THSD4: variants seen among roughly 807,000 people sequenced by gnomAD.
THSD4 encodes the protein thrombospondin type 1 domain containing 4.
In THSD4, 69 loss-of-function variants were observed where a neutral mutation model predicts 119.0. The ratio of observed to expected loss-of-function variants is 0.58; its 90% CI spans 0.48 to 0.71. The LOEUF is 0.71. Ranked by LOEUF, THSD4 falls within the 30% of genes least tolerant of loss-of-function variation. The pLI is 0.00. For synonymous variants in THSD4, 524 were observed against 540.4 expected (o/e 0.97, Z 0.42); for missense variants, 1,393 against 1,391.1 (o/e 1.00, Z -0.02).
At chr15:71,674,717 C>CA (rs886403437) in intron 8 of THSD4, among the ~76,000 whole-genome samples, 2 of 152,266 alleles carry the variant, frequency 1.3e-5, no homozygotes, top group Admixed American at 6.5e-5. Flanking sequence ...GCTCCCCATA[C>CA]ATTTGGCAAT....
intron 7 of THSD4, among the ~76,000 whole-genome samples, chr15:71,537,187 A>C (rs2048698663): frequency 6.6e-6 from 1 of 152,150 alleles, no homozygotes; most frequent in African/African-American, 2.4e-5. Context: ...ATCCCAGTTT[A>C]AGCTCTTAGC....
intron 3 of THSD4, among the ~76,000 whole-genome samples, chr15:71,163,674 A>G (rs1236806157): frequency 6.6e-6 from 1 of 151,682 alleles, no homozygotes; most frequent in Admixed American, 6.6e-5. Flanking sequence ...TGAATGTGGC[A>G]TCTTTGTTTG....
chr15:71,271,163 T>G (rs1385839236), intron 6 of THSD4, among the ~76,000 whole-genome samples: 2 of 151,990 alleles, frequency 1.3e-5, no homozygotes, highest in African/African-American at 4.8e-5. Context: ...AAAAAAAAAT[T>G]TGCCCAAGAA....
At chr15:71,585,591 G>A (rs72739282) in intron 7 of THSD4, among the ~76,000 whole-genome samples, 8,263 of 152,152 alleles carry the variant, frequency 0.054, 263 homozygotes, top group South Asian at 0.11. Context: ...GGGGTTACTT[G>A]GGCATCATGG....
intron 7 of THSD4, among the ~76,000 whole-genome samples, chr15:71,600,266 C>G (rs1013046714): frequency 2.6e-5 from 4 of 152,334 alleles, no homozygotes; most frequent in Middle Eastern, 3.4e-3. Context: ...ATGGTCAAAT[C>G]TTACCATCTT....
intron 8 of THSD4, among the ~76,000 whole-genome samples, chr15:71,706,779 G>A (rs773555557): frequency 5.9e-5 from 9 of 152,178 alleles, no homozygotes; most frequent in South Asian, 2.1e-4. Flanking sequence ...ACAACATCTC[G>A]CATGACCTTT....
At chr15:71,421,646 T>C (rs2046809106) in intron 7 of THSD4, among the ~76,000 whole-genome samples, 1 of 152,208 alleles carries the variant, frequency 6.6e-6, no homozygotes, top group African/African-American at 2.4e-5. Flanking sequence ...TCTTGATTAG[T>C]GTCATTTGGG....
chr15:71,735,030 AC>A (rs1264207987), intron 10 of THSD4, among the ~76,000 whole-genome samples: 2 of 151,606 alleles, frequency 1.3e-5, no homozygotes, highest in African/African-American at 4.9e-5. Flanking sequence ...CCTCAACTTC[AC>A]CCTTCTTTGA....
At chr15:71,700,491 C>A (rs1301179806) in intron 8 of THSD4, among the ~76,000 whole-genome samples, 1 of 152,100 alleles carries the variant, frequency 6.6e-6, no homozygotes, top group East Asian at 1.9e-4. Context: ...AAAAAGCCAT[C>A]AATTTCCCCC....
At chr15:71,237,629 C>T (rs1345871870) in intron 4 of THSD4, among the ~76,000 whole-genome samples, 3 of 152,118 alleles carry the variant, frequency 2.0e-5, no homozygotes, top group Non-Finnish European at 2.9e-5. Context: ...GTGAGACCCC[C>T]GGGTGACTTA....
At position 71,289,483 on chromosome 15, in the gene THSD4, T is replaced by C. The variant is rs1415687812; in HGVS notation, c.1015+32768T>C. ...CCATTGCTCTCCACCCTGAATAAAG[T>C]AGTGGCTCTGCTTCAGGGAACCCAG... On this transcript the variant is annotated intron_variant, in intron 6 of 17. Coordinates refer to ENST00000261862, the MANE Select transcript of THSD4 (RefSeq NM_024817.3). Among the ~76,000 whole-genome samples the C allele has an allele frequency of 2.0e-5, 3 of 152,216 alleles. No homozygotes were observed. The East Asian group carries it at 5.8e-4, about 29-fold the overall frequency.
At chr15:71,602,784 G>A (rs939107878) in intron 7 of THSD4, among the ~76,000 whole-genome samples, 1 of 152,050 alleles carries the variant, frequency 6.6e-6, no homozygotes, top group African/African-American at 2.4e-5. Context: ...GGGTGATGAG[G>A]TATTCCAGAA....
At chr15:71,425,428 A>G (rs1397163626) in intron 7 of THSD4, among the ~76,000 whole-genome samples, 1 of 152,204 alleles carries the variant, frequency 6.6e-6, no homozygotes, top group Admixed American at 6.5e-5. Context: ...TCCTCTTTCC[A>G]AATGACCATC....
chr15:71,766,165 G>C (rs1417169270), intron 16 of THSD4, among the ~76,000 whole-genome samples: 2 of 152,056 alleles, frequency 1.3e-5, no homozygotes, highest in African/African-American at 4.8e-5. Flanking sequence ...GAAATGAAAG[G>C]GGAAAGGATG....
At chr15:71,404,791 A>T (rs999514717) in intron 6 of THSD4, among the ~76,000 whole-genome samples, 1 of 152,202 alleles carries the variant, frequency 6.6e-6, no homozygotes, top group Non-Finnish European at 1.5e-5. Flanking sequence ...TGGCACCTTG[A>T]TGTTGGACTT....
At chr15:71,710,086 G>C (rs1001142687) in intron 8 of THSD4, among the ~76,000 whole-genome samples, 21 of 152,206 alleles carry the variant, frequency 1.4e-4, no homozygotes, top group African/African-American at 4.6e-4. Context: ...TAAACTTCAA[G>C]CTCTTTCCCA....
At chr15:71,386,385 A>G (rs1309136270) in intron 6 of THSD4, among the ~76,000 whole-genome samples, 1 of 152,202 alleles carries the variant, frequency 6.6e-6, no homozygotes, top group Non-Finnish European at 1.5e-5. Context: ...GTACAATTAT[A>G]AAGAAAGACT....
intron 7 of THSD4, among the ~76,000 whole-genome samples, chr15:71,599,683 G>A (rs2049970641): frequency 2.0e-5 from 3 of 152,194 alleles, no homozygotes; most frequent in Admixed American, 6.5e-5. Context: ...AACCTGATGA[G>A]GAGCATTTTA....
intron 8 of THSD4, among the ~76,000 whole-genome samples, chr15:71,691,105 G>C (rs1006517546): frequency 6.6e-6 from 1 of 152,096 alleles, no homozygotes; most frequent in Admixed American, 6.5e-5. Context: ...GCTGAACTGC[G>C]GGCTTTGCAG....
Sources: gnomAD v4.1 joint callset for allele counts (sites outside exome capture counted in the v4.1 genomes callset) on GRCh38, gnomAD v4.1.1 for gene constraint, MANE v1.5 for transcripts, NCBI Gene and HGNC (gene_info 2026-07-23, HGNC 2026-07-21) for gene names.